INSIG1: variants seen among roughly 807,000 people sequenced by gnomAD.
INSIG1 encodes the protein insulin-induced gene 1 protein.
A neutral mutation model predicts 26.5 loss-of-function variants in INSIG1; 14 were observed. The ratio of observed to expected loss-of-function variants is 0.53; its 90% CI spans 0.35 to 0.83. The LOEUF is 0.83. Ranked by LOEUF, INSIG1 falls within the 40% of genes least tolerant of loss-of-function variation. INSIG1 has a pLI of 0.01. For synonymous variants in INSIG1, 147 were observed against 153.3 expected, an observed-to-expected ratio of 0.96 and a Z score of 0.30; for missense variants, 272 against 368.9, an observed-to-expected ratio of 0.74 and a Z score of 2.15.
chr7:155,307,735 T>TA (rs1239126436), intron 5 of INSIG1, among the ~76,000 whole-genome samples: 2 of 152,128 alleles, frequency 1.3e-5, no homozygotes, highest in African/African-American at 4.8e-5. Flanking sequence ...AAACTGCTGG[T>TA]AAGGTGGGTT....
chr7:155,301,517 TG>T, intron 2 of INSIG1, 48 bp from the exon 3 acceptor site: 1 of 1,557,108 alleles, frequency 6.4e-7, no homozygotes, highest in Non-Finnish European at 8.8e-7. Flanking sequence ...GTTGAAATTC[TG>T]GAACTTGAAT....
intron 3 of INSIG1, 79 bp downstream of exon 3, chr7:155,301,769 A>C: frequency 7.6e-7 from 1 of 1,311,994 alleles, no homozygotes; most frequent in Non-Finnish European, 1.0e-6. Flanking sequence ...TTATATACTC[A>C]AATGACTCCA....
chr7:155,302,298 C>G lies in INSIG1; in HGVS notation c.585C>G (p.Ala195=). The part of the protein sequence containing the change: ...NNVQLSLTLA[A]LSLGLWWTFD... ...TCCAGCTGTCCTTGACTTTAGCAGC[C>G]CTATCTTTGGGCCTTTGGTGGACAT... The change falls in exon 4 of 6, where the codon GCC becomes GCG. Residue 195 remains alanine, a synonymous_variant. Coordinates refer to ENST00000340368, the MANE Select transcript of INSIG1 (RefSeq NM_005542.6). The surrounding 1 kb of genome is among the most constrained non-coding windows in gnomAD (Gnocchi z 4.3). The G allele has an allele frequency of 6.2e-7, 1 of 1,604,014 alleles. No individual in the cohort carries two copies. Among genetic ancestry groups the G allele is most frequent in the Non-Finnish European group, 8.5e-7 (1 of 1,175,866 alleles).
In INSIG1 at chr7:155,302,995, G is replaced by T. The variant is rs571945056; in HGVS notation, c.804+149G>T. 3 of 522,404 alleles carry T rather than the reference G, an allele frequency of 5.7e-6. No individual in the cohort carries two copies. The highest frequency in any genetic ancestry group is 3.2e-5 in the Admixed American group (1 of 31,588). The allele number at this position is 522,404 out of a possible 1,614,324, so 32.4% of individuals were successfully genotyped here. A position where few individuals can be genotyped will look rare whatever the true frequency, so the allele number is the denominator to read the frequency against. On this transcript the variant is annotated intron_variant, in intron 5 of 5. Transcript: ENST00000340368. The surrounding 1 kb of genome is among the most constrained non-coding windows in gnomAD (Gnocchi z 4.3). ...AGAAAAGCTTATATTTAAAAAAATA[G>T]GTAATGATACCCAGGTAATTCTTTG... is the stretch of plus-strand genomic sequence containing the variant.
intron 2 of INSIG1, among the ~76,000 whole-genome samples, chr7:155,299,810 G>A (rs2150894564): frequency 6.6e-6 from 1 of 152,314 alleles, no homozygotes; most frequent in Non-Finnish European, 1.5e-5. Flanking sequence ...ACATCCAAGG[G>A]TGCGCAGGTA....
chr7:155,301,067 A>G (rs961894673), intron 2 of INSIG1, among the ~76,000 whole-genome samples: 2 of 152,250 alleles, frequency 1.3e-5, no homozygotes, highest in Non-Finnish European at 2.9e-5. Context: ...TCAAAGTCAC[A>G]TCAGCAAATA....
At position 155,302,633 on chromosome 7, in the gene INSIG1, G is replaced by C. The variant is rs542720116; in HGVS notation, c.705-114G>C. ...TACAACCAAACAAATATGAACATTC[G>C]TAACATTGGATGGTTGATATGCGTT... is the stretch of plus-strand genomic sequence containing the variant. On this transcript the variant is annotated intron_variant, in intron 4 of 5. Transcript: ENST00000340368. The surrounding 1 kb of genome is among the most constrained non-coding windows in gnomAD (Gnocchi z 4.3). 4 of 904,838 alleles carry C rather than the reference G, an allele frequency of 4.4e-6. No individual in the cohort carries two copies. The highest frequency in any genetic ancestry group is 1.7e-6 in the Non-Finnish European group (1 of 572,054). The allele number at this position is 904,838 out of a possible 1,614,324, so 56.1% of individuals were successfully genotyped here.
Position 155,308,408 on chromosome 7 carries a change from T to G in INSIG1, c.*138T>G, listed in dbSNP as rs753987181. ...TGTACAAATGACTCCTGGAAAAAAC[T>G]CTTCACCTAGTCTAGAATAGGGAGG... On this transcript the variant is annotated 3_prime_UTR_variant, in exon 6 of 6. Transcript: ENST00000340368. 3.9e-6 allele frequency: 4 copies of G among 1,022,436 alleles called. No individual in the cohort carries two copies. Among genetic ancestry groups the G allele is most frequent in the Admixed American group, 3.5e-5 (2 of 57,654 alleles). 63.3% of individuals were successfully genotyped at this position (1,022,436 alleles called of 1,614,324 possible).
chr7:155,303,780 T>C (rs779533807), intron 5 of INSIG1: 4 of 1,135,258 alleles, frequency 3.5e-6, no homozygotes, highest in Non-Finnish European at 4.9e-6. Context: ...AAACTTATCT[T>C]AGTACCTCAT....
In INSIG1 at chr7:155,302,396, T is replaced by C. The variant is rs1797813978; in HGVS notation, c.683T>C (p.Leu228Pro). The C allele has an allele frequency of 6.2e-7, 1 of 1,606,190 alleles. No individual in the cohort carries two copies. Among genetic ancestry groups the C allele is most frequent in the Non-Finnish European group, 8.5e-7 (1 of 1,177,516 alleles). ...AFLATLITQF[L>P]VYNGVYQYTS... ...CTAGCTACGCTGATCACGCAGTTTC[T>C]CGTGTATAATGGTGTCTATCAGTAA... Residue 228 changes from leucine (L) to proline (P), a missense_variant, in exon 4 of 6, where the codon CTC becomes CCC. Leu to Pro is a moderately conservative substitution (Grantham distance 98). Around this residue, in one of 2 missense-constraint regions of INSIG1, gnomAD observed 111 missense variants for 189.8 expected, o/e 0.58. Coordinates refer to ENST00000340368, the MANE Select transcript of INSIG1 (RefSeq NM_005542.6). This position sits in a 1 kb window ranked among gnomAD's most constrained non-coding sequence, Gnocchi z 4.3.
Position 155,302,668 on chromosome 7 carries a change from C to G in INSIG1, c.705-79C>G. 9.7e-7 allele frequency: 1 copy of G among 1,031,502 alleles called. No individual in the cohort carries two copies. Among genetic ancestry groups the G allele is most frequent in the Non-Finnish European group, 1.5e-6 (1 of 658,546 alleles). The allele number at this position is 1,031,502 out of a possible 1,614,324, so 63.9% of individuals were successfully genotyped here. A position where few individuals can be genotyped will look rare whatever the true frequency, so the allele number is the denominator to read the frequency against. On this transcript the variant is annotated intron_variant, in intron 4 of 5. Coordinates refer to ENST00000340368, the MANE Select transcript of INSIG1 (RefSeq NM_005542.6). This position sits in a 1 kb window ranked among gnomAD's most constrained non-coding sequence, Gnocchi z 4.3. ...ATGGTTGATATGCGTTCTGCATATC[C>G]CCACTACAGAGAATCTGTGATGTAG...
intron 5 of INSIG1, among the ~76,000 whole-genome samples, chr7:155,305,193 C>T (rs542208525): frequency 3.9e-5 from 6 of 152,060 alleles, no homozygotes; most frequent in African/African-American, 1.2e-4. Context: ...CCTTAATCCC[C>T]TTCCCTGCTG....
rs559401493 is a variant in INSIG1 at position 155,298,740 on chromosome 7, T to A, written c.412+43T>A. 1.3e-5 allele frequency: 20 copies of A among 1,562,178 alleles called. No individual in the cohort carries two copies. In the South Asian group the frequency reaches 2.2e-4, roughly 17 times the overall value. On this transcript the variant is annotated intron_variant, in intron 2 of 5. Coordinates refer to ENST00000340368, the MANE Select transcript of INSIG1 (RefSeq NM_005542.6). ...TTCTTCTGGAAGTAAAAAGGGTGTC[T>A]TTTCGGTTGAAAGTACTTTTCAGCC...
chr7:155,301,822 T>G (rs1275345111), intron 3 of INSIG1, 132 bp downstream of exon 3: 18 of 802,940 alleles, frequency 2.2e-5, no homozygotes, highest in Non-Finnish European at 3.0e-5. Flanking sequence ...CCATTTCAGA[T>G]TACTAAAAAG....
Position 155,302,301 on chromosome 7 carries a change from A to G in INSIG1, c.588A>G (p.Leu196=). The G allele has an allele frequency of 4.4e-6, 7 of 1,606,510 alleles. No homozygotes were observed. The highest frequency in any genetic ancestry group is 5.9e-6 in the Non-Finnish European group (7 of 1,176,886). The change falls in exon 4 of 6, where the codon CTA becomes CTG. Residue 196 remains leucine, a synonymous_variant. Coordinates refer to ENST00000340368, the MANE Select transcript of INSIG1 (RefSeq NM_005542.6). The surrounding 1 kb of genome is among the most constrained non-coding windows in gnomAD (Gnocchi z 4.3). The stretch of plus-strand genomic sequence containing the variant: ...AGCTGTCCTTGACTTTAGCAGCCCT[A>G]TCTTTGGGCCTTTGGTGGACATTTG... ...NVQLSLTLAA[L]SLGLWWTFDR...
chr7:155,307,555 GT>G (rs1377420960), intron 5 of INSIG1, among the ~76,000 whole-genome samples: 2 of 152,168 alleles, frequency 1.3e-5, no homozygotes, highest in African/African-American at 4.8e-5. Flanking sequence ...TTACCCTGAG[GT>G]GCCTGGTCAT....
In INSIG1 at chr7:155,302,922, C is replaced by G. The variant is rs551521799; in HGVS notation, c.804+76C>G. On this transcript the variant is annotated intron_variant, in intron 5 of 5. Coordinates refer to ENST00000340368, the MANE Select transcript of INSIG1 (RefSeq NM_005542.6). This position sits in a 1 kb window ranked among gnomAD's most constrained non-coding sequence, Gnocchi z 4.3. ...ATAGAATGACTTTACATGATACATT[C>G]AAATTTGCGTTCATATATTCTGGTT... 6 of 989,556 alleles carry G rather than the reference C, an allele frequency of 6.1e-6. No individual in the cohort carries two copies. The African/African-American group carries it at 9.6e-5, about 16-fold the overall frequency. 61.3% of individuals were successfully genotyped at this position (989,556 alleles called of 1,614,324 possible).
chr7:155,308,387 C>A lies in INSIG1; in HGVS notation c.*117C>A. On this transcript the variant is annotated 3_prime_UTR_variant, in exon 6 of 6. Transcript: ENST00000340368. ...ATCTATTTAGATCGGGCTGACTGTA[C>A]AAATGACTCCTGGAAAAAACTCTTC... The A allele has an allele frequency of 3.3e-6, 4 of 1,213,234 alleles. No individual in the cohort carries two copies. Among genetic ancestry groups the A allele is most frequent in the African/African-American group, 1.5e-5 (1 of 66,838 alleles). The allele number at this position is 1,213,234 out of a possible 1,614,324, so 75.2% of individuals were successfully genotyped here. A position where few individuals can be genotyped will look rare whatever the true frequency, so the allele number is the denominator to read the frequency against.
intron 5 of INSIG1, among the ~76,000 whole-genome samples, chr7:155,306,021 G>A (rs983988347): frequency 1.3e-4 from 20 of 151,866 alleles, no homozygotes; most frequent in African/African-American, 4.6e-4. Flanking sequence ...TTTTTGAGAC[G>A]GAGTCTTGCT....
Sources: allele counts gnomAD v4.1 joint callset (sites outside exome capture counted in the v4.1 genomes callset), GRCh38; gene constraint gnomAD v4.1.1; regional missense constraint gnomAD v4.1.1; non-coding constraint Gnocchi (gnomAD v3.1); transcripts MANE v1.5; gene names NCBI Gene and HGNC (gene_info 2026-07-23, HGNC 2026-07-21).